SEPHS1: variants seen among roughly 807,000 people sequenced by gnomAD.
SEPHS1 encodes zincore component SEPHS1.
A neutral mutation model predicts 39.2 loss-of-function variants in SEPHS1; 7 were observed. The ratio of observed to expected loss-of-function variants is 0.18; its 90% CI spans 0.10 to 0.34. The LOEUF is 0.34. Ranked by LOEUF, SEPHS1 falls within the 10% of genes least tolerant of loss-of-function variation. SEPHS1 has a pLI of 1.00. For synonymous variants in SEPHS1, 190 were observed against 195.5 expected (o/e 0.97, Z 0.23); for missense variants, 253 against 514.5 (o/e 0.49, Z 4.92).
chr10:13,345,298 C>T (rs966595228), intron 1 of SEPHS1: 20 of 178,496 alleles, frequency 1.1e-4, no homozygotes, highest in African/African-American at 4.7e-4. Flanking sequence ...TGACACCGTG[C>T]CACCTTGAAC....
At chr10:13,331,369 C>A (rs1833463329) in intron 5 of SEPHS1, among the ~76,000 whole-genome samples, 1 of 150,530 alleles carries the variant, frequency 6.6e-6, no homozygotes, top group Non-Finnish European at 1.5e-5. Flanking sequence ...ATTGCTGGGT[C>A]AAATGGTATT....
intron 5 of SEPHS1, 101 bp downstream of exon 5, chr10:13,333,716 A>G (rs1833537607): frequency 8.2e-7 from 1 of 1,217,698 alleles, no homozygotes; most frequent in Admixed American, 2.3e-5. Flanking sequence ...CTGGGATCAT[A>G]TGTGTGAGCC....
chr10:13,320,218 G>A (rs936225989), intron 8 of SEPHS1, among the ~76,000 whole-genome samples: 4 of 150,068 alleles, frequency 2.7e-5, no homozygotes, highest in African/African-American at 9.8e-5. Flanking sequence ...GAGTCTCGCT[G>A]TCTCCCAGGT....
chr10:13,325,714 T>C (rs537914364), intron 7 of SEPHS1, among the ~76,000 whole-genome samples: 297 of 151,902 alleles, frequency 2.0e-3, no homozygotes, highest in African/African-American at 6.9e-3. Flanking sequence ...CTGACCAACA[T>C]GGTGAAACCC....
At chr10:13,347,320 C>T (rs1309776061) in intron 1 of SEPHS1, 1 of 151,994 alleles carries the variant, frequency 6.6e-6, no homozygotes, top group Non-Finnish European at 1.5e-5. Context: ...TCCAGGACGC[C>T]CGCGTCGGAG....
At chr10:13,331,358 G>T (rs2130661817) in intron 5 of SEPHS1, among the ~76,000 whole-genome samples, 1 of 151,964 alleles carries the variant, frequency 6.6e-6, no homozygotes. Context: ...CCAGTAATGG[G>T]ATTGCTGGGT....
At chr10:13,325,229 C>A (rs567440838) in intron 7 of SEPHS1, among the ~76,000 whole-genome samples, 13 of 152,264 alleles carry the variant, frequency 8.5e-5, no homozygotes, top group African/African-American at 2.4e-4. Context: ...TCACCAAACC[C>A]AAAGCCACCT....
chr10:13,331,306 C>T (rs188996578), intron 5 of SEPHS1, among the ~76,000 whole-genome samples: 56 of 152,226 alleles, frequency 3.7e-4, no homozygotes, highest in African/African-American at 1.3e-3. Context: ...TGTGTGCATG[C>T]GTCTTTACAG....
chr10:13,330,959 A>T (rs1833448448), intron 5 of SEPHS1, among the ~76,000 whole-genome samples: 1 of 152,008 alleles, frequency 6.6e-6, no homozygotes, highest in African/African-American at 2.4e-5. Flanking sequence ...TACATTAGGT[A>T]TATCTCCTAA....
At chr10:13,334,886 C>T (rs953233216) in intron 4 of SEPHS1, among the ~76,000 whole-genome samples, 1 of 152,224 alleles carries the variant, frequency 6.6e-6, no homozygotes, top group Non-Finnish European at 1.5e-5. Flanking sequence ...CTGTCCAGTG[C>T]TCCTTGAGAA....
chr10:13,347,295 C>A (rs1332853338), intron 1 of SEPHS1: 1 of 151,862 alleles, frequency 6.6e-6, no homozygotes, highest in African/African-American at 2.4e-5. Context: ...CGGCCCCGCA[C>A]AATGGGGCGC....
At chr10:13,320,596 T>TTGGAGG (rs1833080162) in intron 8 of SEPHS1, among the ~76,000 whole-genome samples, 1 of 151,594 alleles carries the variant, frequency 6.6e-6, no homozygotes, top group Admixed American at 6.6e-5. Flanking sequence ...TCCCAGCACT[T>TTGGAGG]TGGGAGGCCG....
At chr10:13,337,934 G>C (rs1833685369) in intron 3 of SEPHS1, among the ~76,000 whole-genome samples, 1 of 152,210 alleles carries the variant, frequency 6.6e-6, no homozygotes, top group South Asian at 2.1e-4. Flanking sequence ...AGTGCAGCCT[G>C]ATCCCACTGT....
chr10:13,338,994 T>C, intron 2 of SEPHS1, 186 bp from the exon 3 acceptor site: 1 of 600,644 alleles, frequency 1.7e-6, no homozygotes, highest in South Asian at 2.0e-5. Flanking sequence ...CAGCTTAGGA[T>C]GGAAAATACC....
At chr10:13,339,226 A>T (rs1833722555) in intron 2 of SEPHS1, among the ~76,000 whole-genome samples, 1 of 150,222 alleles carries the variant, frequency 6.7e-6, no homozygotes, top group Non-Finnish European at 1.5e-5. Context: ...CTTTACAGAC[A>T]TTATCGTATT....
At chr10:13,325,319 G>C (rs143450077) in intron 7 of SEPHS1, among the ~76,000 whole-genome samples, 6 of 152,234 alleles carry the variant, frequency 3.9e-5, no homozygotes, top group African/African-American at 1.4e-4. Context: ...ATATGGTCTG[G>C]CTCTGTGTCC....
At chr10:13,336,615 C>T (rs1833643323) in intron 3 of SEPHS1, among the ~76,000 whole-genome samples, 4 of 152,154 alleles carry the variant, frequency 2.6e-5, no homozygotes. Flanking sequence ...TTTCTCCATT[C>T]TAAATTTTAG....
chr10:13,336,893 G>A (rs1021251701), intron 3 of SEPHS1, among the ~76,000 whole-genome samples: 22 of 152,234 alleles, frequency 1.4e-4, no homozygotes, highest in African/African-American at 5.3e-4. Context: ...GCTCACGCCT[G>A]TAATCCCAGC....
chr10:13,338,055 C>G (rs1833688935), intron 3 of SEPHS1, among the ~76,000 whole-genome samples: 1 of 152,150 alleles, frequency 6.6e-6, no homozygotes, highest in African/African-American at 2.4e-5. Context: ...TTGGGTGGAT[C>G]AAAGGGTGGC....
Sources: allele counts gnomAD v4.1 joint callset (sites outside exome capture counted in the v4.1 genomes callset), GRCh38; gene constraint gnomAD v4.1.1; transcripts MANE v1.5; gene names NCBI Gene and HGNC (gene_info 2026-07-23, HGNC 2026-07-21).